Variants in PTK7 observed in about 807,000 individuals in gnomAD.
PTK7 encodes inactive tyrosine-protein kinase 7.
PTK7 carries 39 observed loss-of-function variants against 116.6 expected under a neutral mutation model. The ratio of observed to expected loss-of-function variants is 0.33; its 90% CI spans 0.26 to 0.44. The LOEUF (loss-of-function observed/expected upper bound fraction) is 0.44. Ranked by LOEUF, PTK7 falls within the 20% of genes least tolerant of loss-of-function variation. The pLI, the probability that PTK7 is intolerant of heterozygous loss-of-function variation, is 1.00. For missense variants in PTK7, 1,169 were observed against 1,425.6 expected, an observed-to-expected ratio of 0.82 and a Z score of 2.90; for synonymous variants, 546 against 563.6, an observed-to-expected ratio of 0.97 and a Z score of 0.44.
intron 1 of PTK7, among the ~76,000 whole-genome samples, chr6:43,111,494 C>G (rs1265147414): frequency 6.6e-6 from 1 of 152,080 alleles, no homozygotes; most frequent in Admixed American, 6.5e-5. Flanking sequence ...AGTGCAGGTT[C>G]TAAAAAATGA....
At chr6:43,082,520 G>C (rs976732994) in intron 1 of PTK7, among the ~76,000 whole-genome samples, 2 of 152,088 alleles carry the variant, frequency 1.3e-5, no homozygotes, top group African/African-American at 4.8e-5. Context: ...CTGTACCCCA[G>C]AGTTCCAGAA....
At chr6:43,155,303 G>A (rs1356405256) in intron 17 of PTK7, among the ~76,000 whole-genome samples, 1 of 152,054 alleles carries the variant, frequency 6.6e-6, no homozygotes, top group African/African-American at 2.4e-5. Flanking sequence ...GACTACAGGT[G>A]CCTGGCTTCA....
intron 1 of PTK7, among the ~76,000 whole-genome samples, chr6:43,082,456 G>A (rs540579623): frequency 2.0e-5 from 3 of 152,142 alleles, no homozygotes; most frequent in South Asian, 2.1e-4. Flanking sequence ...GATTACAGGC[G>A]TGAGCCACCG....
chr6:43,129,874 G>A lies in PTK7; in HGVS notation c.470+45G>A, dbSNP rs1253428824. The A allele has an allele frequency of 1.3e-6, 2 of 1,571,876 alleles. No homozygotes were observed. On this transcript the variant is annotated intron_variant, in intron 3 of 19. Coordinates refer to ENST00000230419, the MANE Select transcript of PTK7 (RefSeq NM_002821.5). The surrounding 1 kb of genome is among the most constrained non-coding windows in gnomAD (Gnocchi z 4.5). ...GGGATGAAGAGGGTTATTCCGGACA[G>A]GGATGTCTCCCCAAATCTTGGACTC...
At chr6:43,077,025 C>G (rs1318862916) in intron 1 of PTK7, 4 of 1,363,540 alleles carry the variant, frequency 2.9e-6, no homozygotes, top group Admixed American at 6.5e-5. Context: ...CCGGACAGAC[C>G]TGCGGCGCGC....
intron 1 of PTK7, among the ~76,000 whole-genome samples, chr6:43,103,456 GGTGTGT>G (rs3840390): frequency 6.7e-6 from 1 of 150,238 alleles, no homozygotes; most frequent in Non-Finnish European, 1.5e-5. Context: ...GAGTATTACA[GGTGTGT>G]GTGTGTGTGT....
intron 1 of PTK7, among the ~76,000 whole-genome samples, chr6:43,098,383 C>G (rs1034008725): frequency 3.3e-5 from 5 of 150,230 alleles, no homozygotes; most frequent in South Asian, 2.1e-4. Context: ...TTTGAGACAG[C>G]CTCGCTCTGT....
At chr6:43,138,297 C>A (rs1000433739) in intron 7 of PTK7, among the ~76,000 whole-genome samples, 1 of 152,088 alleles carries the variant, frequency 6.6e-6, no homozygotes, top group African/African-American at 2.4e-5. Context: ...AGGTGTGAGC[C>A]ACCACTCCCT....
chr6:43,117,593 C>T (rs571571795), intron 1 of PTK7, among the ~76,000 whole-genome samples: 3 of 152,134 alleles, frequency 2.0e-5, no homozygotes, highest in Non-Finnish European at 4.4e-5. Flanking sequence ...TAAAATGAGG[C>T]TGATGGTGTT....
intron 17 of PTK7, among the ~76,000 whole-genome samples, chr6:43,150,397 C>T (rs951295215): frequency 1.3e-5 from 2 of 152,176 alleles, no homozygotes; most frequent in Admixed American, 1.3e-4. Flanking sequence ...AAGGAAACAC[C>T]GAATTGGCTT....
Position 43,129,208 on chromosome 6 carries a change from G to A in PTK7, c.311G>A (p.Arg104Gln), listed in dbSNP as rs767999866. ...TCTGGCACCTTCCAGTGTGTGGCTC[G>A]GGATGATGTCACTGGAGAAGAAGCC... is the stretch of plus-strand genomic sequence containing the variant. ...QDSGTFQCVA[R>Q]DDVTGEEARS... The change falls in exon 2 of 20, where the codon CGG becomes CAG. Residue 104 changes from arginine (R) to glutamine (Q), a missense_variant. By Grantham distance (43) the Arg-to-Gln change is conservative (BLOSUM62 1). Coordinates refer to ENST00000230419, the MANE Select transcript of PTK7 (RefSeq NM_002821.5). This position sits in a 1 kb window ranked among gnomAD's most constrained non-coding sequence, Gnocchi z 4.5. 20 of 1,613,976 alleles carry A rather than the reference G, an allele frequency of 1.2e-5. No individual in the cohort carries two copies. Among genetic ancestry groups the A allele is most frequent in the South Asian group, 4.4e-5 (4 of 91,084 alleles).
chr6:43,083,797 G>A (rs139102232), intron 1 of PTK7, among the ~76,000 whole-genome samples: 27 of 152,340 alleles, frequency 1.8e-4, no homozygotes, highest in African/African-American at 6.3e-4. Flanking sequence ...CCTGTTAGAA[G>A]TGTAAGCCTT....
At chr6:43,137,504 A>C (rs1582175737) in intron 7 of PTK7, among the ~76,000 whole-genome samples, 1 of 152,224 alleles carries the variant, frequency 6.6e-6, no homozygotes, top group East Asian at 1.9e-4. Context: ...TGTTCTCTTT[A>C]GCACACGTAA....
intron 7 of PTK7, among the ~76,000 whole-genome samples, chr6:43,136,199 G>A (rs187991567): frequency 1.4e-3 from 217 of 150,614 alleles, no homozygotes; most frequent in African/African-American, 4.7e-3. Flanking sequence ...TCCAGGCATG[G>A]TGGCACATGC....
chr6:43,114,091 A>C (rs1427886064), intron 1 of PTK7, among the ~76,000 whole-genome samples: 18 of 152,252 alleles, frequency 1.2e-4, no homozygotes, highest in Middle Eastern at 6.8e-3. Flanking sequence ...CCCCTGCTAG[A>C]AACACAGGAC....
At chr6:43,103,456 G>GGTGTGTGTGTGT (rs3840390) in intron 1 of PTK7, among the ~76,000 whole-genome samples, 11 of 150,238 alleles carry the variant, frequency 7.3e-5, no homozygotes, top group Admixed American at 7.3e-4. Flanking sequence ...GAGTATTACA[G>GGTGTGTGTGTGT]GTGTGTGTGT....
At chr6:43,079,841 T>C (rs1368123714) in intron 1 of PTK7, among the ~76,000 whole-genome samples, 1 of 149,904 alleles carries the variant, frequency 6.7e-6, no homozygotes, top group East Asian at 2.0e-4. Context: ...GGAGGATCGC[T>C]TGAGCCCAGG....
chr6:43,148,751 C>G (rs528618116), intron 17 of PTK7, among the ~76,000 whole-genome samples: 133 of 128,480 alleles, frequency 1.0e-3, no homozygotes, highest in African/African-American at 4.6e-3. Flanking sequence ...CTCTGCGTTA[C>G]ATAGAGAGGA....
Position 43,158,931 on chromosome 6 carries a change from G to T in PTK7, c.2836G>T (p.Val946Leu). 6.2e-7 allele frequency: 1 copy of T among 1,614,188 alleles called. No individual in the cohort carries two copies. ...GGTCAGTGCCCAGAGACAAGTGAAG[G>T]TGTCTGCCCTGGGCCTCAGCAAGGA... ...CLVSAQRQVK[V>L]SALGLSKDVY... The change falls in exon 18 of 20, where the codon GTG (valine) becomes TTG (leucine). Residue 946 changes from valine (V) to leucine (L), a missense_variant. This residue lies in a region of PTK7 where 678 missense variants were observed against 853.8 expected (regional missense o/e 0.79). Transcript: ENST00000230419.
Sources: gnomAD v4.1 joint callset for allele counts (sites outside exome capture counted in the v4.1 genomes callset) on GRCh38, gnomAD v4.1.1 for gene constraint, gnomAD v4.1.1 regional missense constraint, Gnocchi (gnomAD v3.1) non-coding constraint, MANE v1.5 for transcripts, NCBI Gene and HGNC (gene_info 2026-07-23, HGNC 2026-07-21) for gene names.